EVI5L: variants seen among roughly 807,000 people sequenced by gnomAD.
The protein encoded by EVI5L is EVI5-like protein.
In EVI5L, 30 loss-of-function variants were observed where a neutral mutation model predicts 106.1. The observed-to-expected ratio is 0.28, with a 90% CI of 0.21 to 0.38. The LOEUF (loss-of-function observed/expected upper bound fraction) is 0.38. Among genes scored for constraint, EVI5L ranks in the 10% least tolerant of loss-of-function variants. EVI5L has a pLI of 1.00. For missense variants in EVI5L, 809 were observed against 1,098.0 expected (o/e 0.74, Z 3.72); for synonymous variants, 489 against 483.3 (o/e 1.01, Z -0.15).
intron 1 of EVI5L, 36 bp from the exon 2 acceptor site, chr19:7,846,460 C>G: frequency 3.3e-6 from 5 of 1,499,564 alleles, no homozygotes; most frequent in Non-Finnish European, 4.5e-6. Context: ...AGTGGGCTCC[C>G]ACCCAATGCC....
intron 8 of EVI5L, 114 bp from the exon 9 acceptor site, chr19:7,852,972 G>A: frequency 1.1e-6 from 1 of 948,090 alleles, no homozygotes; most frequent in Non-Finnish European, 1.7e-6. Flanking sequence ...TGAGGACATG[G>A]CGACACCCCG....
At chr19:7,847,651 G>A (rs938036659) in intron 2 of EVI5L, 81 bp from the exon 3 acceptor site, 21 of 1,471,032 alleles carry the variant, frequency 1.4e-5, no homozygotes, top group African/African-American at 5.7e-5. Context: ...ACCCCCAGGA[G>A]GGGGAGGATG....
chr19:7,856,078 G>A lies in EVI5L; in HGVS notation c.1200+10G>A, dbSNP rs376093871. ...TGAAACCCTAGAGAAGGTGAGGGGC[G>A]TGGCCACTGTGAGGACATGGTCGCC... On this transcript the variant is annotated intron_variant, in intron 11 of 19. Transcript: ENST00000538904. The surrounding 1 kb of genome is among the most constrained non-coding windows in gnomAD (Gnocchi z 6.6). 2.6e-4 allele frequency: 342 copies of A among 1,321,388 alleles called. No individual in the cohort carries two copies. The highest frequency in any genetic ancestry group is 2.1e-3 in the Admixed American group (70 of 32,760). 81.9% of individuals were successfully genotyped at this position (1,321,388 alleles called of 1,614,324 possible).
In EVI5L at chr19:7,853,350, AG is replaced by A; in HGVS notation, c.1146+21del. ...GAGATCAAAGTGAGTCCAGGGGCCC[AG>A]GGGCGGGGACAGGGATGGGAGGCCT... On this transcript the variant is annotated intron_variant, in intron 10 of 19. Transcript: ENST00000538904. 1 of 1,604,028 alleles carries A rather than the reference AG, an allele frequency of 6.2e-7. No individual in the cohort carries two copies. Among genetic ancestry groups the A allele is most frequent in the African/African-American group, 1.3e-5 (1 of 75,010 alleles).
At chr19:7,832,211 G>A (rs1322236823) in intron 1 of EVI5L, among the ~76,000 whole-genome samples, 1 of 152,170 alleles carries the variant, frequency 6.6e-6, no homozygotes, top group Non-Finnish European at 1.5e-5. Flanking sequence ...GGAAGGGATC[G>A]CAGGTGGCTT....
rs1182095626 is a variant in EVI5L, at chr19:7,845,138, G to C, written c.-47-1358G>C. ...GTGGAGCTGTCAGCCAGGTCAGGTG[G>C]GGTCAAGTGGCACACGGCAGACTCC... On this transcript the variant is annotated intron_variant, in intron 1 of 19. Transcript: ENST00000538904. This position sits in a 1 kb window ranked among gnomAD's most constrained non-coding sequence, Gnocchi z 4.0. 6.6e-6 allele frequency among the ~76,000 whole-genome samples: 1 copy of C among 152,128 alleles called. No individual in the cohort carries two copies. The highest frequency in any genetic ancestry group is 2.4e-5 in the African/African-American group (1 of 41,414).
intron 1 of EVI5L, among the ~76,000 whole-genome samples, chr19:7,841,910 G>C (rs1978617640): frequency 6.6e-6 from 1 of 152,194 alleles, no homozygotes; most frequent in Admixed American, 6.5e-5. Flanking sequence ...AGGGGTGCAG[G>C]GTCGCCCACA....
chr19:7,831,192 C>G (rs1316801010), intron 1 of EVI5L, among the ~76,000 whole-genome samples: 2 of 150,920 alleles, frequency 1.3e-5, no homozygotes, highest in Non-Finnish European at 3.0e-5. Flanking sequence ...ACCCCACTCC[C>G]CATCCAGAGC....
Position 7,857,532 on chromosome 19 carries a change from G to A in EVI5L, c.1233+408G>A. ...CACACACACGCCCGGCCCTCACGCT[G>A]CTGCTCTCTGCTCCTACCTGCAATG... is the stretch of plus-strand genomic sequence containing the variant. On this transcript the variant is annotated intron_variant, in intron 12 of 19. Transcript: ENST00000538904. This position sits in a 1 kb window ranked among gnomAD's most constrained non-coding sequence, Gnocchi z 4.5. 3.4e-6 allele frequency: 1 copy of A among 292,290 alleles called. No individual in the cohort carries two copies. The highest frequency in any genetic ancestry group is 6.5e-6 in the Non-Finnish European group (1 of 153,398). 18.1% of individuals were successfully genotyped at this position (292,290 alleles called of 1,614,324 possible).
intron 1 of EVI5L, among the ~76,000 whole-genome samples, chr19:7,837,082 G>A (rs960352920): frequency 6.0e-5 from 9 of 150,068 alleles, no homozygotes; most frequent in African/African-American, 2.0e-4. Context: ...TGTAATCCCA[G>A]CACTTTGGGA....
chr19:7,838,961 A>C (rs1044305823), intron 1 of EVI5L, among the ~76,000 whole-genome samples: 1 of 151,146 alleles, frequency 6.6e-6, no homozygotes, highest in East Asian at 1.9e-4. Flanking sequence ...ATACCAGTGC[A>C]CTCCAGCCTG....
Position 7,857,519 on chromosome 19 carries a change from C to T in EVI5L, c.1233+395C>T, listed in dbSNP as rs763325778. On this transcript the variant is annotated intron_variant, in intron 12 of 19. Coordinates refer to ENST00000538904, the MANE Select transcript of EVI5L (RefSeq NM_001159944.3). The surrounding 1 kb of genome is among the most constrained non-coding windows in gnomAD (Gnocchi z 4.5). ...ACACACACACACGCACACACACGCCCGGCCCTCACGCTGCTGCTCTCTGCT... is the reference window on the plus strand; with the variant it reads ...ACACACACACACGCACACACACGCCTGGCCCTCACGCTGCTGCTCTCTGCT... 1.8e-5 allele frequency: 6 copies of T among 325,928 alleles called. 1 individual carries two copies. The East Asian group carries it at 2.8e-4, about 15-fold the overall frequency. 20.2% of individuals were successfully genotyped at this position (325,928 alleles called of 1,614,324 possible).
intron 1 of EVI5L, among the ~76,000 whole-genome samples, chr19:7,843,235 AGTGT>A (rs146715535): frequency 3.4e-5 from 4 of 118,168 alleles, no homozygotes; most frequent in Non-Finnish European, 5.1e-5. Flanking sequence ...GTGTGTGTCG[AGTGT>A]GTGCATGTGT....
Position 7,863,339 on chromosome 19 carries a change from G to A in EVI5L, c.2139+59G>A. 6 of 1,546,212 alleles carry A rather than the reference G, an allele frequency of 3.9e-6. No individual in the cohort carries two copies. The highest frequency in any genetic ancestry group is 2.7e-5 in the African/African-American group (2 of 72,980). On this transcript the variant is annotated intron_variant, in intron 19 of 19. Transcript: ENST00000538904. This position sits in a 1 kb window ranked among gnomAD's most constrained non-coding sequence, Gnocchi z 7.7. ...GGGTGTCGTCGGCCTGGGACGAGCC[G>A]AGCGCAGGTGCCTTGCGGAGGATGC... is the stretch of plus-strand genomic sequence containing the variant.
Position 7,848,530 on chromosome 19 carries a change from A to G in EVI5L, c.328-391A>G, listed in dbSNP as rs794440. Among the ~76,000 whole-genome samples the G allele has an allele frequency of 1.8e-3, 272 of 152,104 alleles. No homozygotes were observed. The highest frequency in any genetic ancestry group is 6.3e-3 in the African/African-American group (261 of 41,492). On this transcript the variant is annotated intron_variant, in intron 3 of 19. Coordinates refer to ENST00000538904, the MANE Select transcript of EVI5L (RefSeq NM_001159944.3). This position sits in a 1 kb window ranked among gnomAD's most constrained non-coding sequence, Gnocchi z 4.8. Reference sequence around the variant, plus strand: ...GAGAATCACTTGAACCTGGGAGGCAAGAGGTAGCAGTGAGCCAAGATCACG... The same window carrying G: ...GAGAATCACTTGAACCTGGGAGGCAGGAGGTAGCAGTGAGCCAAGATCACG...
intron 13 of EVI5L, among the ~76,000 whole-genome samples, chr19:7,859,946 C>G (rs1232622051): frequency 6.6e-6 from 1 of 152,222 alleles, no homozygotes. Flanking sequence ...ACTGTCCTGC[C>G]AGGCCACAAG....
At position 7,856,830 on chromosome 19, in the gene EVI5L, C is replaced by T. The variant is rs565638220; in HGVS notation, c.1201-262C>T. ...GGGTGGGACAGTGGGTTTCCCAGCC[C>T]TGCGGCCTCCCCCACAGCCGCGGGC... On this transcript the variant is annotated intron_variant, in intron 11 of 19. Transcript: ENST00000538904. This position sits in a 1 kb window ranked among gnomAD's most constrained non-coding sequence, Gnocchi z 6.6. 1 of 667,320 alleles carries T rather than the reference C, an allele frequency of 1.5e-6. No individual in the cohort carries two copies. The highest frequency in any genetic ancestry group is 2.1e-5 in the Admixed American group (1 of 47,820). The allele number at this position is 667,320 out of a possible 1,614,324, so 41.3% of individuals were successfully genotyped here.
rs200435607 is a variant in EVI5L at position 7,858,179 on chromosome 19, C to T, written c.1234-12C>T. 6.4e-7 allele frequency: 1 copy of T among 1,553,874 alleles called. No individual in the cohort carries two copies. On this transcript the variant is annotated splice_polypyrimidine_tract_variant and intron_variant, in intron 12 of 19. Coordinates refer to ENST00000538904, the MANE Select transcript of EVI5L (RefSeq NM_001159944.3). This position sits in a 1 kb window ranked among gnomAD's most constrained non-coding sequence, Gnocchi z 5.7. Reference sequence around the variant, plus strand: ...ACGGCCTCCCCCTGCCCCCTGTCCTCGCTGTTCTCAGGGGCAAGTGACACG... The same window carrying T: ...ACGGCCTCCCCCTGCCCCCTGTCCTTGCTGTTCTCAGGGGCAAGTGACACG...
chr19:7,847,924 G>T lies in EVI5L; in HGVS notation c.327+3G>T, dbSNP rs372069618. ...GCAGGAAGGAGAAGCTGCTCAAGGT[G>T]GGGGGCGGCCAGGCAGGCAGGGCTG... On this transcript the variant is annotated splice_donor_region_variant and intron_variant, in intron 3 of 19. Coordinates refer to ENST00000538904, the MANE Select transcript of EVI5L (RefSeq NM_001159944.3). 31 of 1,541,120 alleles carry T rather than the reference G, an allele frequency of 2.0e-5. No homozygotes were observed. Among genetic ancestry groups the T allele is most frequent in the South Asian group, 1.7e-4 (14 of 84,092 alleles).
Sources: allele counts gnomAD v4.1 joint callset (sites outside exome capture counted in the v4.1 genomes callset), GRCh38; gene constraint gnomAD v4.1.1; non-coding constraint Gnocchi (gnomAD v3.1); transcripts MANE v1.5; gene names NCBI Gene and HGNC (gene_info 2026-07-23, HGNC 2026-07-21).